Variants in ODAD4 observed in about 807,000 individuals in gnomAD.
ODAD4 encodes the protein outer dynein arm docking complex subunit 4, also known as outer dynein arm-docking complex subunit 4.
A neutral mutation model predicts 51.8 loss-of-function variants in ODAD4; 49 were observed. The observed-to-expected ratio is 0.95, with a 90% CI of 0.75 to 1.20. The LOEUF is 1.20. Ranked by LOEUF, ODAD4 falls within the 50% of genes most tolerant of loss-of-function variation. ODAD4 has a pLI of 0.00. For missense variants in ODAD4, 590 were observed against 586.5 expected, an observed-to-expected ratio of 1.01 and a Z score of -0.06; for synonymous variants, 235 against 221.3, an observed-to-expected ratio of 1.06 and a Z score of -0.55.
rs781935436 is a variant in ODAD4 at position 41,930,750 on chromosome 17, G to A, written c.27G>A (p.Leu9=). MSDPEGET[L]RSTFPSYMAE... is the part of the protein sequence containing the mutation. ...TGTCGGACCCCGAAGGCGAGACCTT[G>A]CGAAGCACCTTTCCCTCTTATATGG... The change falls in exon 1 of 12, where the codon TTG becomes TTA. Residue 9 remains leucine (L), a synonymous_variant. Transcript: ENST00000377540. 29 of 1,611,332 alleles carry A rather than the reference G, an allele frequency of 1.8e-5. No homozygotes were observed. Among genetic ancestry groups the A allele is most frequent in the Middle Eastern group, 1.6e-4 (1 of 6,082 alleles).
intron 7 of ODAD4, among the ~76,000 whole-genome samples, chr17:41,940,636 G>A (rs2050492486): frequency 6.6e-6 from 1 of 152,154 alleles, no homozygotes; most frequent in African/African-American, 2.4e-5. Context: ...AAGCTGTGTG[G>A]ATTTGATTAA....
intron 1 of ODAD4, among the ~76,000 whole-genome samples, chr17:41,932,535 G>GT (rs569011171): frequency 0.011 from 1,637 of 149,006 alleles, 43 homozygotes; most frequent in Admixed American, 0.05. Flanking sequence ...GGAAACTGTT[G>GT]TTTTTTTTTT....
intron 4 of ODAD4, 72 bp from the exon 5 acceptor site, chr17:41,936,690 G>T: frequency 1.3e-6 from 2 of 1,577,672 alleles, no homozygotes; most frequent in South Asian, 2.3e-5. Flanking sequence ...TGGGATCACA[G>T]ACCCTAGGGC....
At position 41,965,358 on chromosome 17, in the gene ODAD4, CCAGA is replaced by C. The variant is rs2050867311; in HGVS notation, c.1895_1898del (p.Pro632GlnfsTer3). 1 of 780,184 alleles carries C rather than the reference CCAGA, an allele frequency of 1.3e-6. No homozygotes were observed. The highest frequency in any genetic ancestry group is 2.4e-6 in the Non-Finnish European group (1 of 417,930). 48.3% of individuals were successfully genotyped at this position (780,184 alleles called of 1,614,324 possible). A position where few individuals can be genotyped will look rare whatever the true frequency, so the allele number is the denominator to read the frequency against. ...CTCAGGAGAATTCAGCAGACAGGAA[CCAGA>C]AGAACTAAAGAAACTTTCAGAAGTG... On this transcript the variant is annotated frameshift_variant, in exon 12 of 12. Coordinates refer to ENST00000377540, the MANE Select transcript of ODAD4 (RefSeq NM_031421.5). LOFTEE classifies it low-confidence loss of function (END_TRUNC).
intron 8 of ODAD4, among the ~76,000 whole-genome samples, 172 bp from the exon 9 acceptor site, chr17:41,948,981 G>T (rs1207347077): frequency 6.6e-6 from 1 of 152,052 alleles, no homozygotes; most frequent in Non-Finnish European, 1.5e-5. Context: ...TACCAAAATA[G>T]TCTCAGTAGT....
chr17:41,953,957 C>T (rs1555640641), intron 9 of ODAD4, among the ~76,000 whole-genome samples: 1 of 151,806 alleles, frequency 6.6e-6, no homozygotes, highest in East Asian at 1.9e-4. Flanking sequence ...TGAGCCACCG[C>T]ACCTAGCCTA....
chr17:41,945,123 T>G lies in ODAD4; in HGVS notation c.1059-13T>G. On this transcript the variant is annotated splice_polypyrimidine_tract_variant and intron_variant, in intron 7 of 11. Coordinates refer to ENST00000377540, the MANE Select transcript of ODAD4 (RefSeq NM_031421.5). ...ATTTCTAGTGAATGGCTTGTTTTGC[T>G]TCTTCCCCACAGTGACCTTCCTGAT... The G allele has an allele frequency of 6.2e-7, 1 of 1,609,638 alleles. No homozygotes were observed. The highest frequency in any genetic ancestry group is 8.5e-7 in the Non-Finnish European group (1 of 1,177,362).
intron 9 of ODAD4, among the ~76,000 whole-genome samples, chr17:41,951,457 T>C (rs2144521318): frequency 6.6e-6 from 1 of 151,630 alleles, no homozygotes; most frequent in African/African-American, 2.4e-5. Flanking sequence ...TTTATTTTTT[T>C]GAGAAGGCGT....
At chr17:41,942,450 T>A (rs1307704355) in intron 7 of ODAD4, among the ~76,000 whole-genome samples, 1 of 152,256 alleles carries the variant, frequency 6.6e-6, no homozygotes, top group Non-Finnish European at 1.5e-5. Flanking sequence ...TTTGCTATTA[T>A]GATTTTTAGT....
At chr17:41,932,916 T>C (rs62076885) in intron 1 of ODAD4, among the ~76,000 whole-genome samples, 45,113 of 151,870 alleles carry the variant, frequency 0.3, 8,189 homozygotes, top group South Asian at 0.51. Context: ...CTTCTTCTGC[T>C]CCAAATTGCC....
intron 7 of ODAD4, among the ~76,000 whole-genome samples, chr17:41,944,423 CACACACACACACACACACA>C (rs1567932945): frequency 1.8e-3 from 15 of 8,246 alleles, no homozygotes; most frequent in African/African-American, 2.6e-3. Flanking sequence ...CACACACACA[CACACACACACACACACACA>C]CACCCCCCCG....
At chr17:41,958,072 C>T (rs543251625) in intron 10 of ODAD4, among the ~76,000 whole-genome samples, 8 of 152,286 alleles carry the variant, frequency 5.3e-5, no homozygotes, top group African/African-American at 1.2e-4. Flanking sequence ...CCACCACACC[C>T]GGCCTAAACA....
At position 41,935,205 on chromosome 17, in the gene ODAD4, T is replaced by C. The variant is rs782017137; in HGVS notation, c.115-12T>C. 2.6e-5 allele frequency: 42 copies of C among 1,613,718 alleles called. No individual in the cohort carries two copies. Among genetic ancestry groups the C allele is most frequent in the Non-Finnish European group, 3.5e-5 (41 of 1,179,814 alleles). ...TCATGCTGGCTGTCAACCTGACTGG[T>C]TTCTTTGTCAGGCTCTTTACCTTCA... On this transcript the variant is annotated splice_polypyrimidine_tract_variant and intron_variant, in intron 1 of 11. Transcript: ENST00000377540.
At chr17:41,940,051 C>T (rs2050484718) in intron 7 of ODAD4, among the ~76,000 whole-genome samples, 1 of 152,318 alleles carries the variant, frequency 6.6e-6, no homozygotes, top group Non-Finnish European at 1.5e-5. Flanking sequence ...GACTTGCTGA[C>T]TTCCACCCGG....
intron 1 of ODAD4, among the ~76,000 whole-genome samples, chr17:41,934,823 G>A (rs782114461): frequency 2.6e-5 from 4 of 152,170 alleles, no homozygotes; most frequent in Non-Finnish European, 4.4e-5. Context: ...TGCCATTTCA[G>A]GTTTGTAGTT....
rs147651575 is a variant in ODAD4, at chr17:41,960,347, C to G, written c.1444-1035C>G. ...AACAAAAAAACAGTTACTCAGGAGG[C>G]TGAGGCAGGAGAATGGCGTGAACCC... On this transcript the variant is annotated intron_variant, in intron 10 of 11. Transcript: ENST00000377540. 7.7e-3 allele frequency among the ~76,000 whole-genome samples: 1,166 copies of G among 151,672 alleles called. 54 individuals are homozygous for G. The highest frequency in any genetic ancestry group is 0.068 in the Admixed American group (1,043 of 15,266).
chr17:41,940,241 G>A (rs1450519460), intron 7 of ODAD4, among the ~76,000 whole-genome samples: 1 of 152,122 alleles, frequency 6.6e-6, no homozygotes, highest in Non-Finnish European at 1.5e-5. Flanking sequence ...TGCCTCTGCT[G>A]TCTCTCTCCA....
intron 11 of ODAD4, 92 bp downstream of exon 11, chr17:41,961,558 A>G: frequency 1.4e-6 from 1 of 692,600 alleles, no homozygotes. Flanking sequence ...GCAGCTCCCC[A>G]ATCTGGGGGC....
chr17:41,932,270 T>A (rs1187403247), intron 1 of ODAD4, among the ~76,000 whole-genome samples: 6 of 152,004 alleles, frequency 3.9e-5, no homozygotes, highest in African/African-American at 7.2e-5. Flanking sequence ...GGTTTCTCCA[T>A]GTTGGTCAGG....
Sources: allele counts gnomAD v4.1 joint callset (sites outside exome capture counted in the v4.1 genomes callset), GRCh38; gene constraint gnomAD v4.1.1; transcripts MANE v1.5; gene names NCBI Gene and HGNC (gene_info 2026-07-23, HGNC 2026-07-21).